PGAP6: variants seen among roughly 807,000 people sequenced by gnomAD.
The protein encoded by PGAP6 is post-GPI attachment to proteins factor 6.
A neutral mutation model predicts 68.4 loss-of-function variants in PGAP6; 62 were observed. The observed-to-expected ratio is 0.91, with a 90% CI of 0.74 to 1.12. The LOEUF is 1.12. PGAP6 is among the 50% of genes most tolerant of loss of function. The pLI is 0.00. For missense variants in PGAP6, 1,188 were observed against 1,068.5 expected (o/e 1.11, Z -1.56); for synonymous variants, 575 against 474.0 (o/e 1.21, Z -2.77).
chr16:385,618 A>ATTTTTTTTTTTTTTTTTTTTTT (rs71139779), upstream of PGAP6, among the ~76,000 whole-genome samples: 1 of 77,000 alleles, frequency 1.3e-5, no homozygotes. Context: ...GCCTACTCTG[A>ATTTTTTTTTTTTTTTTTTTTTT]TTTTTTTTTT....
intron 3 of PGAP6, 87 bp from the exon 4 acceptor site, chr16:377,251 G>T (rs984858913): frequency 2.7e-5 from 43 of 1,599,060 alleles, no homozygotes; most frequent in Non-Finnish European, 3.6e-5. Context: ...CGGCATGCAG[G>T]GAGCAGGGCT....
chr16:377,738 GCA>G lies in PGAP6; in HGVS notation c.230_231del (p.Val77AlafsTer105), dbSNP rs2054399392. The part of the protein sequence containing the change: ...LFRFRVPPDA[V>X]LLRWLLQVSR... ...GAGACCTGCAGGAGCCAGCGTAGAA[GCA>G]CAGCATCTGGGGGCACGCGGAAGCG... On this transcript the variant is annotated frameshift_variant, in exon 2 of 13. Coordinates refer to ENST00000431232, the MANE Select transcript of PGAP6 (RefSeq NM_021259.3). LOFTEE classifies it high-confidence loss of function. 1.9e-6 allele frequency: 3 copies of G among 1,597,660 alleles called. No individual in the cohort carries two copies. In the East Asian group the frequency reaches 6.8e-5, roughly 36 times the overall value.
chr16:380,118 G>C (rs2054424737), intron 1 of PGAP6, among the ~76,000 whole-genome samples: 1 of 152,206 alleles, frequency 6.6e-6, no homozygotes, highest in African/African-American at 2.4e-5. Context: ...CAGCACACCA[G>C]GCCTCTCCAC....
In PGAP6 at chr16:375,342, T is replaced by G; in HGVS notation, c.1315+3A>C. ...CGCTGACGGTGACGCCTGCCCATCA[T>G]ACCTGTGGTGCAGTTGAGCGAAGTA... On this transcript the variant is annotated splice_donor_region_variant and intron_variant, in intron 7 of 12. Coordinates refer to ENST00000431232, the MANE Select transcript of PGAP6 (RefSeq NM_021259.3). The G allele has an allele frequency of 6.2e-7, 1 of 1,612,856 alleles. No homozygotes were observed. Among genetic ancestry groups the G allele is most frequent in the Non-Finnish European group, 8.5e-7 (1 of 1,179,930 alleles).
At position 376,685 on chromosome 16, in the gene PGAP6, C is replaced by A. The variant is rs371825117; in HGVS notation, c.763G>T (p.Val255Leu). The change falls in exon 5 of 13, where the codon GTG becomes TTG. Residue 255 changes from valine to leucine, a missense_variant. Coordinates refer to ENST00000431232, the MANE Select transcript of PGAP6 (RefSeq NM_021259.3). ...PVTLPSNFQK[V>L]LTCTGAPWPC... The stretch of plus-strand genomic sequence containing the variant: ...CAGGGGGCACCGGTGCAGGTGAGCA[C>A]CTTCTGGAAGTTGCTAGGCAGGGTG... 1 of 1,611,440 alleles carries A rather than the reference C, an allele frequency of 6.2e-7. No homozygotes were observed. The highest frequency in any genetic ancestry group is 8.5e-7 in the Non-Finnish European group (1 of 1,179,634).
At position 376,378 on chromosome 16, in the gene PGAP6, G is replaced by A. The variant is rs777992923; in HGVS notation, c.982C>T (p.Leu328=). The A allele has an allele frequency of 9.4e-5, 151 of 1,609,654 alleles. No homozygotes were observed. The highest frequency in any genetic ancestry group is 1.2e-4 in the Non-Finnish European group (146 of 1,177,990). ...QNQSFNASSG[L]LSPSPDHQDL... ...TGGTGGTCGGGGCTCGGGGACAGCA[G>A]ACCAGAGGAGGCATTGAAGCTCTGG... is the stretch of plus-strand genomic sequence containing the variant. The change falls in exon 6 of 13, where the codon CTG becomes TTG. Residue 328 remains leucine (L), a synonymous_variant. Coordinates refer to ENST00000431232, the MANE Select transcript of PGAP6 (RefSeq NM_021259.3).
rs960647297 is a variant in PGAP6, at chr16:376,039, C to T, written c.1224+97G>A. 3.1e-5 allele frequency: 39 copies of T among 1,272,680 alleles called. No individual in the cohort carries two copies. In the East Asian group the frequency reaches 3.8e-4, roughly 12 times the overall value. The allele number at this position is 1,272,680 out of a possible 1,614,324, so 78.8% of individuals were successfully genotyped here. On this transcript the variant is annotated intron_variant, in intron 6 of 12. Transcript: ENST00000431232. ...CCCGTGCCTGCTGGTGTCACTGTGC[C>T]GCCTGTCCCGTGCCAAGGTAAATGA...
At chr16:386,730 A>ACC, upstream of PGAP6, 1 of 444,740 alleles carries the variant, frequency 2.2e-6, no homozygotes, top group Non-Finnish European at 4.2e-6. Flanking sequence ...AAAAACCAAA[A>ACC]AAAAAAAAAA....
Position 375,119 on chromosome 16 carries a change from C to T in PGAP6, c.1439+14G>A, listed in dbSNP as rs1314908234. ...AGGGTGCCTGGCCCCCGTCTCTGCCCTAGGTTTACTTACTCAGCATTCTCA... is the reference window on the plus strand; with the variant it reads ...AGGGTGCCTGGCCCCCGTCTCTGCCTTAGGTTTACTTACTCAGCATTCTCA... On this transcript the variant is annotated intron_variant, in intron 8 of 12. Coordinates refer to ENST00000431232, the MANE Select transcript of PGAP6 (RefSeq NM_021259.3). 1 of 1,612,612 alleles carries T rather than the reference C, an allele frequency of 6.2e-7. No individual in the cohort carries two copies. The highest frequency in any genetic ancestry group is 1.7e-5 in the Admixed American group (1 of 59,936).
In PGAP6 at chr16:370,869, C is replaced by T. The variant is rs1424596248; in HGVS notation, c.*1118G>A. 1 of 152,448 alleles carries T rather than the reference C, an allele frequency of 6.6e-6. No individual in the cohort carries two copies. The highest frequency in any genetic ancestry group is 1.5e-5 in the Non-Finnish European group (1 of 68,234). The allele number at this position is 152,448 out of a possible 1,614,324, so 9.4% of individuals were successfully genotyped here. ...TCTACATAAAAATATGTCTTAATAT[C>T]TTAGAATTTTCCTTTACTCCAAAAA... On this transcript the variant is annotated 3_prime_UTR_variant, in exon 13 of 13. Coordinates refer to ENST00000431232, the MANE Select transcript of PGAP6 (RefSeq NM_021259.3).
chr16:381,644 C>A, intron 1 of PGAP6, 57 bp downstream of exon 1: 1 of 1,158,134 alleles, frequency 8.6e-7, no homozygotes, highest in Non-Finnish European at 1.1e-6. Context: ...GTCACAATCC[C>A]GCCCCGCCCG....
chr16:374,034 T>C lies in PGAP6; in HGVS notation c.1873A>G (p.Met625Val), dbSNP rs142042224. ...TTCAGGACTGTCTTGAGCCGTGCCATGCACAGGATGGTGACCCAGATGGCC... is the reference window on the plus strand; with the variant it reads ...TTCAGGACTGTCTTGAGCCGTGCCACGCACAGGATGGTGACCCAGATGGCC... The part of the protein sequence containing the change: ...GAAIWVTILC[M>V]ARLKTVLKYV... The change falls in exon 11 of 13, where the codon ATG becomes GTG. Residue 625 changes from methionine (M) to valine (V), a missense_variant. Transcript: ENST00000431232. 2 of 1,611,600 alleles carry C rather than the reference T, an allele frequency of 1.2e-6. No individual in the cohort carries two copies. Among genetic ancestry groups the C allele is most frequent in the Non-Finnish European group, 1.7e-6 (2 of 1,179,902 alleles).
upstream of PGAP6, chr16:384,308 C>A (rs559598140): frequency 1.3e-5 from 2 of 152,348 alleles, no homozygotes; most frequent in African/African-American, 4.8e-5. Flanking sequence ...CAGCTGAGGG[C>A]TGGTGAACTT....
At position 374,389 on chromosome 16, in the gene PGAP6, C is replaced by A. The variant is rs776204495; in HGVS notation, c.1587G>T (p.Gly529=). 1.3e-6 allele frequency: 2 copies of A among 1,571,360 alleles called. No homozygotes were observed. The highest frequency in any genetic ancestry group is 1.7e-6 in the Non-Finnish European group (2 of 1,163,798). The change falls in exon 10 of 13, where the codon GGG becomes GGT. Residue 529 remains glycine (G), a synonymous_variant. Transcript: ENST00000431232. ...CTGTGCTGTTGTCCGTGCAGCTCCA[C>A]CCACGCCAGCCTGCGGTCACAAAAC... ...ASCSCKAGWR[G]WSCTDNSTAQ... is the part of the protein sequence containing the mutation.
At chr16:385,616 T>G (rs1174037222), upstream of PGAP6, among the ~76,000 whole-genome samples, 2 of 135,124 alleles carry the variant, frequency 1.5e-5, no homozygotes, top group Non-Finnish European at 3.1e-5. Context: ...CGGCCTACTC[T>G]GATTTTTTTT....
At position 381,880 on chromosome 16, in the gene PGAP6, C is replaced by A; in HGVS notation, c.-59G>T. The A allele has an allele frequency of 4.4e-5, 43 of 975,810 alleles. No homozygotes were observed. Among genetic ancestry groups the A allele is most frequent in the Non-Finnish European group, 5.2e-5 (43 of 823,250 alleles). 60.4% of individuals were successfully genotyped at this position (975,810 alleles called of 1,614,324 possible). On this transcript the variant is annotated 5_prime_UTR_variant, in exon 1 of 13. Transcript: ENST00000431232. ...CGTCCCGCGCCGCCGGCCCCCGCCGCCGCCCGGGCAGCCTCTGCCGCCTCC... is the reference window on the plus strand; with the variant it reads ...CGTCCCGCGCCGCCGGCCCCCGCCGACGCCCGGGCAGCCTCTGCCGCCTCC...
Position 376,147 on chromosome 16 carries a change from G to C in PGAP6, c.1213C>G (p.Arg405Gly). The C allele has an allele frequency of 6.2e-7, 1 of 1,603,094 alleles. No individual in the cohort carries two copies. Among genetic ancestry groups the C allele is most frequent in the Non-Finnish European group, 8.5e-7 (1 of 1,173,332 alleles). The part of the protein sequence containing the change: ...DSGGSLTISL[R>G]ANKTEMRNET... ...CAGACAGCAGGTACCTTGTTGGCCC[G>C]CAGGGAGATGGTGAGGGAACCCCCG... Residue 405 changes from arginine (R) to glycine (G), a missense_variant, in exon 6 of 13, where the codon CGG (arginine) becomes GGG (glycine). Arg to Gly is a moderately radical substitution (Grantham distance 125). Coordinates refer to ENST00000431232, the MANE Select transcript of PGAP6 (RefSeq NM_021259.3).
chr16:376,690 T>C lies in PGAP6; in HGVS notation c.758A>G (p.Gln253Arg), dbSNP rs2054387129. 6.2e-7 allele frequency: 1 copy of C among 1,611,394 alleles called. No individual in the cohort carries two copies. Among genetic ancestry groups the C allele is most frequent in the Non-Finnish European group, 8.5e-7 (1 of 1,179,690 alleles). Residue 253 changes from glutamine (Q) to arginine (R), a missense_variant, in exon 5 of 13, where the codon CAG (glutamine) becomes CGG (arginine). Gln to Arg is a conservative substitution (Grantham distance 43). Coordinates refer to ENST00000431232, the MANE Select transcript of PGAP6 (RefSeq NM_021259.3). The stretch of plus-strand genomic sequence containing the variant: ...GGCACCGGTGCAGGTGAGCACCTTC[T>C]GGAAGTTGCTAGGCAGGGTGACCGG... ...VGPVTLPSNFQKVLTCTGAPW... is the reference protein window; with the variant it reads ...VGPVTLPSNFRKVLTCTGAPW...
At chr16:384,275 C>G (rs961408619), upstream of PGAP6, 1 of 152,290 alleles carries the variant, frequency 6.6e-6, no homozygotes, top group African/African-American at 2.4e-5. Flanking sequence ...AGAGAAGCGG[C>G]AGAGCCCCCA....
Sources: allele counts gnomAD v4.1 joint callset (sites outside exome capture counted in the v4.1 genomes callset), GRCh38; gene constraint gnomAD v4.1.1; transcripts MANE v1.5; gene names NCBI Gene and HGNC (gene_info 2026-07-23, HGNC 2026-07-21).